Variants in ITPK1 observed in about 807,000 individuals in gnomAD.
ITPK1 encodes inositol-tetrakisphosphate 1-kinase, also known as inositol 1,3,4-trisphosphate 5/6-kinase.
ITPK1 carries 21 observed loss-of-function variants against 45.3 expected under a neutral mutation model. That is an observed-to-expected ratio of 0.46 (90% CI 0.33 to 0.67). The LOEUF is 0.67. Ranked by LOEUF, ITPK1 falls within the 30% of genes least tolerant of loss-of-function variation. The pLI is 0.02. For synonymous variants in ITPK1, 258 were observed against 253.6 expected (o/e 1.02, Z -0.16); for missense variants, 474 against 573.5 (o/e 0.83, Z 1.77).
intron 8 of ITPK1, 27 bp from the exon 9 acceptor site, chr14:92,952,040 C>T (rs1566691148): frequency 1.9e-6 from 3 of 1,547,822 alleles, no homozygotes; most frequent in East Asian, 2.4e-5. Flanking sequence ...AAGGAGCCGG[C>T]GTTAGAACCT....
intron 5 of ITPK1, among the ~76,000 whole-genome samples, chr14:92,990,820 G>T (rs562052397): frequency 6.6e-6 from 1 of 152,136 alleles, no homozygotes; most frequent in Non-Finnish European, 1.5e-5. Context: ...CTATTCCTGG[G>T]AGAGCCTCCC....
intron 9 of ITPK1, among the ~76,000 whole-genome samples, 158 bp downstream of exon 9, chr14:92,951,788 G>A (rs1887963924): frequency 6.6e-6 from 1 of 152,052 alleles, no homozygotes; most frequent in African/African-American, 2.4e-5. Flanking sequence ...AGGAACAGGG[G>A]GCTCTGGAAC....
rs1001539726 is a variant in ITPK1, at chr14:92,937,958, T to A, written c.*3603A>T. ...TCCCACCGGGTGAATGATCAGAGTT[T>A]GTTTGTTTGTTTGTTTGTTTTTTGA... On this transcript the variant is annotated 3_prime_UTR_variant, in exon 11 of 11. Coordinates refer to ENST00000267615, the MANE Select transcript of ITPK1 (RefSeq NM_014216.6). 8 of 138,198 alleles carry A rather than the reference T, an allele frequency of 5.8e-5. No individual in the cohort carries two copies. The highest frequency in any genetic ancestry group is 2.1e-4 in the African/African-American group (8 of 38,840). The allele number at this position is 138,198 out of a possible 1,614,324, so 8.6% of individuals were successfully genotyped here. A position where few individuals can be genotyped will look rare whatever the true frequency, so the allele number is the denominator to read the frequency against.
In ITPK1 at chr14:93,016,666, C is replaced by T. The variant is rs1888194760; in HGVS notation, c.246+10G>A. ...ATGCCACAGCCAAGGGCTGCATGGT[C>T]CTCACTCACCTGGAACCTGTGCACC... is the stretch of plus-strand genomic sequence containing the variant. On this transcript the variant is annotated intron_variant, in intron 4 of 10. Coordinates refer to ENST00000267615, the MANE Select transcript of ITPK1 (RefSeq NM_014216.6). The surrounding 1 kb of genome is among the most constrained non-coding windows in gnomAD (Gnocchi z 5.0). 6.2e-7 allele frequency: 1 copy of T among 1,613,840 alleles called. No homozygotes were observed. Among genetic ancestry groups the T allele is most frequent in the Admixed American group, 1.7e-5 (1 of 60,014 alleles).
At chr14:93,108,133 C>G (rs1046278089) in intron 2 of ITPK1, among the ~76,000 whole-genome samples, 2 of 152,218 alleles carry the variant, frequency 1.3e-5, no homozygotes, top group Non-Finnish European at 2.9e-5. Context: ...GGCCGGCTCC[C>G]CAAGGGCCAC....
At chr14:93,087,684 C>T (rs1035199158) in intron 2 of ITPK1, among the ~76,000 whole-genome samples, 1 of 152,234 alleles carries the variant, frequency 6.6e-6, no homozygotes, top group Non-Finnish European at 1.5e-5. Flanking sequence ...GCTCCCACAG[C>T]TCTGCCATCC....
Position 93,032,886 on chromosome 14 carries a change from C to A in ITPK1, c.121-16085G>T, listed in dbSNP as rs181229249. Reference sequence around the variant, plus strand: ...GGCCAGCACGGATCGGATCGTGCACCCTGCAAAGCCAGCCCTTTTCTCTAG... The same window carrying A: ...GGCCAGCACGGATCGGATCGTGCACACTGCAAAGCCAGCCCTTTTCTCTAG... On this transcript the variant is annotated intron_variant, in intron 3 of 10. Coordinates refer to ENST00000267615, the MANE Select transcript of ITPK1 (RefSeq NM_014216.6). The surrounding 1 kb of genome is among the most constrained non-coding windows in gnomAD (Gnocchi z 4.0). Among the ~76,000 whole-genome samples, 84 of 152,332 alleles carry A rather than the reference C, an allele frequency of 5.5e-4. No individual in the cohort carries two copies. In the Middle Eastern group the frequency reaches 0.02, roughly 37 times the overall value.
intron 3 of ITPK1, among the ~76,000 whole-genome samples, chr14:93,060,639 G>T (rs1890477803): frequency 6.6e-6 from 1 of 152,204 alleles, no homozygotes; most frequent in Non-Finnish European, 1.5e-5. Context: ...AATTCAGGAA[G>T]GCCACGGGAG....
chr14:93,085,112 T>C (rs1891595993), intron 2 of ITPK1, among the ~76,000 whole-genome samples: 1 of 152,258 alleles, frequency 6.6e-6, no homozygotes, highest in Non-Finnish European at 1.5e-5. Flanking sequence ...CTGCGGCATC[T>C]TGGTTTACTT....
intron 5 of ITPK1, among the ~76,000 whole-genome samples, chr14:92,979,684 T>G (rs1366320324): frequency 6.6e-6 from 1 of 152,192 alleles, no homozygotes; most frequent in African/African-American, 2.4e-5. Flanking sequence ...CCCCTTTGCC[T>G]TCCGCCATGA....
intron 10 of ITPK1, among the ~76,000 whole-genome samples, chr14:92,945,379 C>G (rs1887633620): frequency 6.6e-6 from 1 of 152,258 alleles, no homozygotes. Context: ...GGTCCTGCCT[C>G]ACCTCCACGA....
intron 3 of ITPK1, among the ~76,000 whole-genome samples, chr14:93,029,116 T>A (rs1015735878): frequency 5.9e-5 from 9 of 152,172 alleles, no homozygotes; most frequent in African/African-American, 2.2e-4. Flanking sequence ...ATACAGTATA[T>A]ATTGGGCATT....
chr14:93,043,824 C>T (rs1889665640), intron 3 of ITPK1, among the ~76,000 whole-genome samples: 1 of 152,308 alleles, frequency 6.6e-6, no homozygotes, highest in South Asian at 2.1e-4. Flanking sequence ...AGACCACAGC[C>T]CCACCCTTCC....
Position 92,941,266 on chromosome 14 carries a change from A to C in ITPK1, c.*295T>G. ...CATGGCAGCCATACGCACACCCCTC[A>C]CCTCCCATCCAGACCTAGTGTTGCA... On this transcript the variant is annotated 3_prime_UTR_variant, in exon 11 of 11. Transcript: ENST00000267615. 1 of 1,373,228 alleles carries C rather than the reference A, an allele frequency of 7.3e-7. No individual in the cohort carries two copies. Among genetic ancestry groups the C allele is most frequent in the Non-Finnish European group, 9.4e-7 (1 of 1,065,730 alleles). The allele number at this position is 1,373,228 out of a possible 1,614,324, so 85.1% of individuals were successfully genotyped here. A position where few individuals can be genotyped will look rare whatever the true frequency, so the allele number is the denominator to read the frequency against.
Position 92,947,917 on chromosome 14 carries a change from G to A in ITPK1, c.739-1424C>T, listed in dbSNP as rs143699540. Among the ~76,000 whole-genome samples the A allele has an allele frequency of 4.6e-3, 695 of 152,252 alleles. 5 individuals are homozygous for A. Among genetic ancestry groups the A allele is most frequent in the African/African-American group, 0.016 (662 of 41,528 alleles). On this transcript the variant is annotated intron_variant, in intron 9 of 10. Transcript: ENST00000267615. Reference sequence around the variant, plus strand: ...ACTCAAACGGATGCTGTCCACCCACGCTCACCGTGGTGTTATTCATACCCC... The same window carrying A: ...ACTCAAACGGATGCTGTCCACCCACACTCACCGTGGTGTTATTCATACCCC...
chr14:93,058,723 A>G (rs1464754357), intron 3 of ITPK1, among the ~76,000 whole-genome samples: 1 of 12,810 alleles, frequency 7.8e-5, no homozygotes, highest in Non-Finnish European at 1.3e-4. Context: ...GCAGGGGTGG[A>G]GGGGGTGCGG....
At chr14:93,093,455 C>T (rs1891944206) in intron 2 of ITPK1, among the ~76,000 whole-genome samples, 2 of 152,340 alleles carry the variant, frequency 1.3e-5, no homozygotes, top group South Asian at 2.1e-4. Flanking sequence ...CCCCGCTCCC[C>T]AACCTCCCCT....
chr14:92,968,467 C>G (rs548401568), intron 5 of ITPK1, among the ~76,000 whole-genome samples: 1 of 152,210 alleles, frequency 6.6e-6, no homozygotes, highest in Admixed American at 6.5e-5. Context: ...TGCTTCACAA[C>G]CACGGTCTCC....
intron 10 of ITPK1, among the ~76,000 whole-genome samples, chr14:92,942,535 A>T (rs925597862): frequency 2.0e-5 from 3 of 152,062 alleles, no homozygotes; most frequent in Non-Finnish European, 4.4e-5. Flanking sequence ...ACCACAAAAT[A>T]CCTGCAGGGA....
Sources: gnomAD v4.1 joint callset for allele counts (sites outside exome capture counted in the v4.1 genomes callset) on GRCh38, gnomAD v4.1.1 for gene constraint, Gnocchi (gnomAD v3.1) non-coding constraint, MANE v1.5 for transcripts, NCBI Gene and HGNC (gene_info 2026-07-23, HGNC 2026-07-21) for gene names.